VPS13B: variants seen among roughly 807,000 people sequenced by gnomAD.
The protein encoded by VPS13B is intermembrane lipid transfer protein VPS13B.
VPS13B carries 285 observed loss-of-function variants against 426.4 expected under a neutral mutation model. That is an observed-to-expected ratio of 0.67 (90% CI 0.61 to 0.74). The LOEUF (loss-of-function observed/expected upper bound fraction) is 0.74. Among genes scored for constraint, VPS13B ranks in the 30% least tolerant of loss-of-function variants. VPS13B has a pLI of 0.00. For missense variants in VPS13B, 4,537 were observed against 4,782.6 expected (o/e 0.95, Z 1.51); for synonymous variants, 1,676 against 1,676.4 (o/e 1.00, Z 0.01).
At chr8:99,360,718 A>C (rs1160962864) in intron 19 of VPS13B, among the ~76,000 whole-genome samples, 4 of 152,142 alleles carry the variant, frequency 2.6e-5, no homozygotes, top group African/African-American at 7.2e-5. Context: ...CAAGGGCAAA[A>C]GGTGGTGTAG....
At chr8:99,257,534 A>G (rs554024077) in intron 17 of VPS13B, among the ~76,000 whole-genome samples, 2 of 150,152 alleles carry the variant, frequency 1.3e-5, no homozygotes, top group South Asian at 4.3e-4. Flanking sequence ...CTCCTTCCAA[A>G]CAGACGTGCA....
intron 24 of VPS13B, among the ~76,000 whole-genome samples, chr8:99,479,023 T>A (rs1321487816): frequency 6.6e-6 from 1 of 152,136 alleles, no homozygotes; most frequent in Non-Finnish European, 1.5e-5. Flanking sequence ...CCATGTTTTT[T>A]CTTCTTCCTC....
chr8:99,457,066 C>G (rs1251289366), intron 23 of VPS13B, among the ~76,000 whole-genome samples: 1 of 149,318 alleles, frequency 6.7e-6, no homozygotes, highest in African/African-American at 2.5e-5. Flanking sequence ...GAATCTCACT[C>G]TGTCGCCCAG....
rs373889030 is a variant in VPS13B, at chr8:99,467,589, C to T, written c.3621C>T (p.Leu1207=). The T allele has an allele frequency of 9.8e-5, 158 of 1,613,658 alleles. No homozygotes were observed. Among genetic ancestry groups the T allele is most frequent in the Middle Eastern group, 1.6e-4 (1 of 6,080 alleles). The change falls in exon 24 of 62, where the codon CTC becomes CTT. Residue 1207 remains leucine (L), a synonymous_variant. Coordinates refer to ENST00000357162, the MANE Select transcript of VPS13B (RefSeq NM_152564.5). Reference sequence around the variant, plus strand: ...CACGACATTCATTTGTTGTCTGTCTCCATGTTGACCTAGAGTCACTAGAGA... The same window carrying T: ...CACGACATTCATTTGTTGTCTGTCTTCATGTTGACCTAGAGTCACTAGAGA... The part of the protein sequence containing the change: ...PDTRHSFVVC[L]HVDLESLEIK...
intron 60 of VPS13B, 167 bp downstream of exon 60, chr8:99,871,054 C>A: frequency 1.4e-6 from 1 of 725,478 alleles, no homozygotes; most frequent in Non-Finnish European, 2.4e-6. Context: ...CAGGAAGAGG[C>A]TGCTGTTGCC....
intron 31 of VPS13B, among the ~76,000 whole-genome samples, chr8:99,570,611 A>G (rs2133796977): frequency 6.6e-6 from 1 of 152,108 alleles, no homozygotes; most frequent in African/African-American, 2.4e-5. Context: ...AATTTTAAGC[A>G]AAATTTTTAT....
At chr8:99,808,719 G>A (rs1813536386) in intron 43 of VPS13B, among the ~76,000 whole-genome samples, 1 of 150,840 alleles carries the variant, frequency 6.6e-6, no homozygotes, top group South Asian at 2.1e-4. Context: ...AACATGACCA[G>A]ACATGGCAAT....
At chr8:99,661,971 A>G (rs950603783) in intron 35 of VPS13B, among the ~76,000 whole-genome samples, 1 of 152,200 alleles carries the variant, frequency 6.6e-6, no homozygotes, top group African/African-American at 2.4e-5. Context: ...AAACATAGTA[A>G]TTACTCAGTT....
chr8:99,421,349 A>G (rs1422802943), intron 21 of VPS13B, among the ~76,000 whole-genome samples: 1 of 152,236 alleles, frequency 6.6e-6, no homozygotes, highest in Non-Finnish European at 1.5e-5. Flanking sequence ...GGCTTTATGT[A>G]GCTCTAGTGG....
intron 4 of VPS13B, among the ~76,000 whole-genome samples, chr8:99,102,171 G>A (rs1280760383): frequency 6.6e-6 from 1 of 152,152 alleles, no homozygotes; most frequent in Non-Finnish European, 1.5e-5. Context: ...TGGAGAAATA[G>A]AATGTTCATT....
intron 25 of VPS13B, among the ~76,000 whole-genome samples, chr8:99,493,643 G>A (rs888639457): frequency 2.0e-5 from 3 of 151,992 alleles, no homozygotes; most frequent in Admixed American, 6.6e-5. Context: ...AACTTAACTG[G>A]GTGTGGTGGC....
chr8:99,244,996 CAT>C (rs1166266306), intron 17 of VPS13B, among the ~76,000 whole-genome samples: 39 of 152,322 alleles, frequency 2.6e-4, no homozygotes, highest in African/African-American at 9.1e-4. Flanking sequence ...ATGGCTATGA[CAT>C]AGAGAACTGT....
intron 59 of VPS13B, 128 bp downstream of exon 59, chr8:99,868,593 C>A: frequency 9.2e-7 from 1 of 1,083,716 alleles, no homozygotes; most frequent in Non-Finnish European, 1.4e-6. Context: ...CCTCTCTATG[C>A]TTATTTACAC....
intron 4 of VPS13B, 58 bp downstream of exon 4, chr8:99,096,490 T>A: frequency 6.2e-7 from 1 of 1,605,680 alleles, no homozygotes; most frequent in Non-Finnish European, 8.5e-7. Context: ...GCATGGTGGC[T>A]CATGCCTGTA....
intron 19 of VPS13B, among the ~76,000 whole-genome samples, chr8:99,295,761 G>T (rs1026632820): frequency 6.6e-6 from 1 of 152,104 alleles, no homozygotes; most frequent in Non-Finnish European, 1.5e-5. Flanking sequence ...AGGCGCAATG[G>T]CTCATCCCTA....
intron 19 of VPS13B, among the ~76,000 whole-genome samples, chr8:99,336,535 G>C (rs1810882785): frequency 6.6e-6 from 1 of 152,136 alleles, no homozygotes; most frequent in South Asian, 2.1e-4. Flanking sequence ...AAACTAAAGA[G>C]CTTCTGCACA....
At chr8:99,501,935 CCTTCCTTT>C in intron 26 of VPS13B, 77 bp downstream of exon 26, 1 of 1,372,700 alleles carries the variant, frequency 7.3e-7, no homozygotes, top group Admixed American at 2.1e-5. Flanking sequence ...TCCCTTCCTT[CCTTCCTTT>C]CTTTTCTGTC....
chr8:99,762,848 T>G (rs867123589), intron 39 of VPS13B, among the ~76,000 whole-genome samples: 6 of 152,134 alleles, frequency 3.9e-5, no homozygotes, highest in Middle Eastern at 3.4e-3. Context: ...AAAAATTAAT[T>G]TAATTTAGGC....
chr8:99,088,141 G>C (rs1390907452), intron 3 of VPS13B, among the ~76,000 whole-genome samples: 1 of 145,148 alleles, frequency 6.9e-6, no homozygotes, highest in Non-Finnish European at 1.5e-5. Flanking sequence ...CCGAGATTGC[G>C]CCACTGTACT....
Sources: gnomAD v4.1 joint callset for allele counts (sites outside exome capture counted in the v4.1 genomes callset) on GRCh38, gnomAD v4.1.1 for gene constraint, MANE v1.5 for transcripts, NCBI Gene and HGNC (gene_info 2026-07-23, HGNC 2026-07-21) for gene names.